Variants in CFAP299 observed in about 807,000 individuals in gnomAD.
CFAP299 encodes the protein cilia and flagella associated protein 299.
In CFAP299, 21 loss-of-function variants were observed where a neutral mutation model predicts 27.0. The observed-to-expected ratio is 0.78, with a 90% CI of 0.55 to 1.12. The LOEUF is 1.12. Ranked by LOEUF, CFAP299 falls within the 50% of genes most tolerant of loss-of-function variation. The probability of loss-of-function intolerance (pLI) is 0.00; values close to 1 mark genes in which losing one functional copy is unlikely to be tolerated. For synonymous variants in CFAP299, 104 were observed against 98.1 expected, an observed-to-expected ratio of 1.06 and a Z score of -0.36; for missense variants, 310 against 276.6, an observed-to-expected ratio of 1.12 and a Z score of -0.86.
intron 3 of CFAP299, among the ~76,000 whole-genome samples, chr4:80,784,619 G>T (rs1436860413): frequency 6.6e-6 from 1 of 152,084 alleles, no homozygotes; most frequent in Non-Finnish European, 1.5e-5. Context: ...CCAGGATCAA[G>T]TGATTCTGCT....
At chr4:80,390,473 T>A (rs908943761) in intron 2 of CFAP299, among the ~76,000 whole-genome samples, 1 of 147,718 alleles carries the variant, frequency 6.8e-6, no homozygotes, top group African/African-American at 2.6e-5. Flanking sequence ...ACTGAGCAAT[T>A]CTCTCCTCTC....
chr4:80,532,419 C>T (rs1733524845), intron 2 of CFAP299, among the ~76,000 whole-genome samples: 1 of 152,122 alleles, frequency 6.6e-6, no homozygotes, highest in African/African-American at 2.4e-5. Context: ...AATTTCTTTG[C>T]ACCATTCTAG....
In CFAP299 at chr4:80,799,685, AT is replaced by A. The variant is rs374600013; in HGVS notation, c.334-70307del. Among the ~76,000 whole-genome samples the A allele has an allele frequency of 5.4e-4, 25 of 46,676 alleles. 6 individuals carry two copies. In the East Asian group the frequency reaches 0.013, roughly 23 times the overall value. 30.6% of individuals were successfully genotyped at this position (46,676 alleles called of 152,430 possible). ...ATATTTTATAAATATATATTTATAA[AT>A]ATATAATATATAAAATATATATTTT... is the stretch of plus-strand genomic sequence containing the variant. On this transcript the variant is annotated intron_variant, in intron 3 of 5. Transcript: ENST00000358105.
chr4:80,590,585 C>T (rs1194644498), intron 3 of CFAP299, among the ~76,000 whole-genome samples: 1 of 151,938 alleles, frequency 6.6e-6, no homozygotes, highest in Admixed American at 6.6e-5. Context: ...TGCAGTGAGC[C>T]GAGATCAAGC....
chr4:80,583,234 T>A, intron 3 of CFAP299, 51 bp downstream of exon 3: 1 of 1,043,616 alleles, frequency 9.6e-7, no homozygotes, highest in Non-Finnish European at 1.4e-6. Flanking sequence ...AATGCACAAT[T>A]AATATTAAAA....
chr4:80,609,087 T>C (rs1737831399), intron 3 of CFAP299, among the ~76,000 whole-genome samples: 6 of 152,082 alleles, frequency 3.9e-5, no homozygotes, highest in Admixed American at 2.0e-4. Flanking sequence ...AAGGAATGTA[T>C]GGATGAATTT....
At chr4:80,827,436 A>G (rs1482786635) in intron 3 of CFAP299, among the ~76,000 whole-genome samples, 2 of 152,048 alleles carry the variant, frequency 1.3e-5, no homozygotes, top group East Asian at 3.9e-4. Context: ...AATGTAGTAC[A>G]TCACATTAAC....
At chr4:80,574,225 G>A (rs1735735971) in intron 2 of CFAP299, among the ~76,000 whole-genome samples, 1 of 151,844 alleles carries the variant, frequency 6.6e-6, no homozygotes. Flanking sequence ...ATAGTAAATG[G>A]GATTAATTTT....
rs1399914461 is a variant in CFAP299, at chr4:80,690,844, A to T, written c.333+107661A>T. Among the ~76,000 whole-genome samples, 32 of 151,014 alleles carry T rather than the reference A, an allele frequency of 2.1e-4. No homozygotes were observed. In the South Asian group the frequency reaches 2.5e-3, roughly 12 times the overall value. ...AGAGAAGAATCAAATAGACGCAATA[A>T]AAATGATAAAGGGGATATCACCACT... On this transcript the variant is annotated intron_variant, in intron 3 of 5. Transcript: ENST00000358105.
intron 3 of CFAP299, among the ~76,000 whole-genome samples, chr4:80,583,940 C>T (rs541804339): frequency 6.6e-6 from 1 of 152,014 alleles, no homozygotes; most frequent in East Asian, 1.9e-4. Flanking sequence ...ATCTATTCTA[C>T]CAATATTTTC....
intron 2 of CFAP299, among the ~76,000 whole-genome samples, chr4:80,494,111 C>A (rs943640542): frequency 6.6e-6 from 1 of 152,164 alleles, no homozygotes; most frequent in African/African-American, 2.4e-5. Flanking sequence ...GAGTGAATCC[C>A]ACCTCCATGC....
intron 3 of CFAP299, among the ~76,000 whole-genome samples, chr4:80,641,394 G>A (rs1368202435): frequency 1.3e-5 from 2 of 151,964 alleles, no homozygotes; most frequent in Non-Finnish European, 2.9e-5. Context: ...TAGTAGAGAC[G>A]GGGTTTCACT....
chr4:80,538,893 G>C (rs1165139424), intron 2 of CFAP299, among the ~76,000 whole-genome samples: 1 of 152,148 alleles, frequency 6.6e-6, no homozygotes, highest in African/African-American at 2.4e-5. Flanking sequence ...CCAACTCTCA[G>C]ATTAAGCTAC....
chr4:80,752,053 A>G (rs77368078), intron 3 of CFAP299, among the ~76,000 whole-genome samples: 8,453 of 152,222 alleles, frequency 0.056, 345 homozygotes, highest in East Asian at 0.22. Flanking sequence ...GCATGGGCTC[A>G]CAAGGGGATC....
intron 2 of CFAP299, among the ~76,000 whole-genome samples, chr4:80,520,253 G>A (rs12645025): frequency 0.11 from 16,524 of 152,152 alleles, 1,041 homozygotes; most frequent in Middle Eastern, 0.23. Flanking sequence ...AGTGTTCTGG[G>A]AGGGGCATTT....
chr4:80,869,007 C>A (rs929361924), intron 3 of CFAP299, among the ~76,000 whole-genome samples: 1 of 150,002 alleles, frequency 6.7e-6, no homozygotes, highest in African/African-American at 2.5e-5. Flanking sequence ...TGTCCAGCAC[C>A]TTTAGGAATG....
At chr4:80,697,845 C>G (rs147729796) in intron 3 of CFAP299, among the ~76,000 whole-genome samples, 1 of 152,042 alleles carries the variant, frequency 6.6e-6, no homozygotes, top group Non-Finnish European at 1.5e-5. Context: ...AAAGTGACAC[C>G]GAAGATAATT....
intron 2 of CFAP299, among the ~76,000 whole-genome samples, chr4:80,552,664 T>A (rs1734581490): frequency 1.3e-5 from 2 of 152,162 alleles, no homozygotes; most frequent in Non-Finnish European, 2.9e-5. Flanking sequence ...ATATTTTGAA[T>A]AAGAGGTTAT....
chr4:80,903,713 T>C (rs947419233), intron 4 of CFAP299, among the ~76,000 whole-genome samples: 1 of 152,094 alleles, frequency 6.6e-6, no homozygotes, highest in Non-Finnish European at 1.5e-5. Context: ...TTTCAACTGC[T>C]ATAAGAAAGT....
Sources: allele counts gnomAD v4.1 joint callset (sites outside exome capture counted in the v4.1 genomes callset), GRCh38; gene constraint gnomAD v4.1.1; transcripts MANE v1.5; gene names NCBI Gene and HGNC (gene_info 2026-07-23, HGNC 2026-07-21).